The following DECR2 variants were observed in gnomAD, a reference collection of about 807,000 sequenced individuals.
The protein encoded by DECR2 is peroxisomal 2,4-dienoyl-CoA reductase [(3E)-enoyl-CoA-producing].
Under a neutral mutation model 29.2 loss-of-function variants are expected in DECR2, and 34 were observed. That is an observed-to-expected ratio of 1.16 (90% confidence interval 0.89 to 1.55). DECR2 has a LOEUF of 1.55. DECR2 is among the 40% of genes most tolerant of loss of function. DECR2 has a pLI of 0.00. For synonymous variants in DECR2, 224 were observed against 182.7 expected (o/e 1.23, Z -1.82); for missense variants, 485 against 425.3 (o/e 1.14, Z -1.23).
chr16:404,850 G>A (rs1054320603), intron 1 of DECR2, 106 bp from the exon 2 acceptor site: 35 of 1,045,214 alleles, frequency 3.3e-5, no homozygotes, highest in East Asian at 7.1e-5. Context: ...AGCTGGTCTC[G>A]ATCTCCTGAC....
Position 405,023 on chromosome 16 carries a change from C to T in DECR2, c.148C>T (p.Arg50Trp), listed in dbSNP as rs148802661. ...GTTCCGGATTGCTGAGATTTTCATGCGGTGAGACTGCTCTGTGTCCCTTCC... is the reference window on the plus strand; with the variant it reads ...GTTCCGGATTGCTGAGATTTTCATGTGGTGAGACTGCTCTGTGTCCCTTCC... ...IGFRIAEIFM[R>W]HGCHTVIASR... The change falls in exon 2 of 9, where the codon CGG becomes TGG. Residue 50 changes from arginine (R) to tryptophan (W), a missense_variant and splice_region_variant. Transcript: ENST00000219481. The T allele has an allele frequency of 6.2e-6, 10 of 1,613,928 alleles. No individual in the cohort carries two copies. The highest frequency in any genetic ancestry group is 2.7e-5 in the African/African-American group (2 of 74,922).
At chr16:411,774 T>C (rs572038451) in intron 8 of DECR2, 116 bp from the exon 9 acceptor site, 36 of 568,380 alleles carry the variant, frequency 6.3e-5, no homozygotes, top group Non-Finnish European at 9.2e-5. Flanking sequence ...CTTGCTCTTC[T>C]GTAGCGGCCT....
rs774308860 is a variant in DECR2, at chr16:410,799, C to T, written c.556+15C>T. On this transcript the variant is annotated intron_variant, in intron 6 of 8. Coordinates refer to ENST00000219481, the MANE Select transcript of DECR2 (RefSeq NM_020664.4). This position sits in a 1 kb window ranked among gnomAD's most constrained non-coding sequence, Gnocchi z 4.1. ...GGCCGCTGTGGGTATGACCACCCCC[C>T]CCCGCCCAGGTTTGCCCACGTGGGT... is the stretch of plus-strand genomic sequence containing the variant. 6.4e-7 allele frequency: 1 copy of T among 1,569,380 alleles called. No homozygotes were observed. The highest frequency in any genetic ancestry group is 8.6e-7 in the Non-Finnish European group (1 of 1,158,136).
chr16:408,031 CTGTCTCCGGGCCTCTGTCTCCGGCCCT>C (rs2141812034), intron 4 of DECR2, among the ~76,000 whole-genome samples: 1 of 44,810 alleles, frequency 2.2e-5, no homozygotes, highest in Non-Finnish European at 5.1e-5. Context: ...CTCCGGGCCC[CTGTCTCCGGGCCTCTGTCTCCGGCCCT>C]CTGTCTCCGG....
intron 2 of DECR2, 127 bp from the exon 3 acceptor site, chr16:406,219 C>T (rs1386233781): frequency 2.2e-6 from 2 of 911,364 alleles, no homozygotes; most frequent in Admixed American, 2.6e-5. Context: ...CCCCTGTGCC[C>T]TCTGCCAGCT....
Position 410,376 on chromosome 16 carries a change from C to T in DECR2, c.462+9C>T. 10 of 1,594,912 alleles carry T rather than the reference C, an allele frequency of 6.3e-6. No homozygotes were observed. The highest frequency in any genetic ancestry group is 8.5e-6 in the Non-Finnish European group (10 of 1,170,512). Reference sequence around the variant, plus strand: ...ATGAGAAGTTCTTCCGGGTGGGTGCCTCGTGCGCTCTGTGAGAAGTTCTTC... The same window carrying T: ...ATGAGAAGTTCTTCCGGGTGGGTGCTTCGTGCGCTCTGTGAGAAGTTCTTC... On this transcript the variant is annotated intron_variant, in intron 5 of 8. Coordinates refer to ENST00000219481, the MANE Select transcript of DECR2 (RefSeq NM_020664.4). This position sits in a 1 kb window ranked among gnomAD's most constrained non-coding sequence, Gnocchi z 4.1.
chr16:405,562 G>C (rs1221221324), intron 2 of DECR2: 2 of 1,304,666 alleles, frequency 1.5e-6, no homozygotes, highest in Admixed American at 2.3e-5. Flanking sequence ...GACCTGCCTA[G>C]CAGGGGTAGC....
intron 4 of DECR2, among the ~76,000 whole-genome samples, 197 bp downstream of exon 4, chr16:407,757 CCT>C (rs1182809278): frequency 6.0e-5 from 9 of 149,888 alleles, no homozygotes; most frequent in African/African-American, 9.8e-5. Flanking sequence ...TCTCCGGCCC[CCT>C]GTCTCCGGGC....
chr16:410,266 C>A lies in DECR2; in HGVS notation c.361C>A (p.Pro121Thr). 1 of 1,613,470 alleles carries A rather than the reference C, an allele frequency of 6.2e-7. No individual in the cohort carries two copies. Among genetic ancestry groups the A allele is most frequent in the Non-Finnish European group, 8.5e-7 (1 of 1,179,786 alleles). ...INCAAGNFLC[P>T]AGALSFNAFK... ...AGGTGCGGCCGGGAACTTCCTGTGC[C>A]CCGCTGGCGCCTTGTCCTTCAACGC... Residue 121 changes from proline (P) to threonine (T), a missense_variant, in exon 5 of 9, where the codon CCC (proline) becomes ACC (threonine). Coordinates refer to ENST00000219481, the MANE Select transcript of DECR2 (RefSeq NM_020664.4). The surrounding 1 kb of genome is among the most constrained non-coding windows in gnomAD (Gnocchi z 4.1).
At chr16:405,677 A>G (rs1170035278) in intron 2 of DECR2, 4 of 1,201,288 alleles carry the variant, frequency 3.3e-6, no homozygotes, top group East Asian at 1.1e-4. Context: ...TGATTTTACC[A>G]GGGAATTTGT....
intron 3 of DECR2, chr16:406,931 A>T: frequency 1.7e-5 from 18 of 1,029,960 alleles, no homozygotes; most frequent in Non-Finnish European, 2.1e-5. Flanking sequence ...ACTTGCACCT[A>T]TCCTAAATAT....
intron 3 of DECR2, 59 bp from the exon 4 acceptor site, chr16:407,366 G>A (rs1231100843): frequency 3.2e-6 from 5 of 1,542,978 alleles, no homozygotes; most frequent in Non-Finnish European, 4.3e-6. Flanking sequence ...AGATTCCAAA[G>A]GCCTTTTCTC....
At position 410,174 on chromosome 16, in the gene DECR2, C is replaced by A. The variant is rs550320003; in HGVS notation, c.338-69C>A. On this transcript the variant is annotated intron_variant, in intron 4 of 8. Coordinates refer to ENST00000219481, the MANE Select transcript of DECR2 (RefSeq NM_020664.4). The surrounding 1 kb of genome is among the most constrained non-coding windows in gnomAD (Gnocchi z 4.1). Reference sequence around the variant, plus strand: ...CCTCCTGCACCCTCCGCTCTGCCCACCTGGCCACCACCCACTTGGCATCCC... The same window carrying A: ...CCTCCTGCACCCTCCGCTCTGCCCAACTGGCCACCACCCACTTGGCATCCC... The A allele has an allele frequency of 6.4e-7, 1 of 1,570,360 alleles. No homozygotes were observed.
At chr16:407,288 GC>G in intron 3 of DECR2, 136 bp from the exon 4 acceptor site, 2 of 1,464,206 alleles carry the variant, frequency 1.4e-6, no homozygotes, top group Non-Finnish European at 1.8e-6. Context: ...TGCAGGCTGT[GC>G]TTCCCCAGAG....
Position 410,419 on chromosome 16 carries a change from C to A in DECR2, c.462+52C>A, listed in dbSNP as rs771806477. Reference sequence around the variant, plus strand: ...AGTTCTTCCGGGTGGGTGCCTCGTGCGCTCTGTGAGAAGTTCTTCCGGGTG... The same window carrying A: ...AGTTCTTCCGGGTGGGTGCCTCGTGAGCTCTGTGAGAAGTTCTTCCGGGTG... On this transcript the variant is annotated intron_variant, in intron 5 of 8. Coordinates refer to ENST00000219481, the MANE Select transcript of DECR2 (RefSeq NM_020664.4). The surrounding 1 kb of genome is among the most constrained non-coding windows in gnomAD (Gnocchi z 4.1). 1.9e-6 allele frequency: 3 copies of A among 1,584,370 alleles called. No individual in the cohort carries two copies. Among genetic ancestry groups the A allele is most frequent in the African/African-American group, 2.8e-5 (2 of 71,038 alleles).
intron 2 of DECR2, chr16:405,416 C>A: frequency 2.5e-6 from 2 of 787,454 alleles, no homozygotes; most frequent in Non-Finnish European, 3.6e-6. Flanking sequence ...GGGAAAGGGA[C>A]CCTTCCTCAG....
intron 4 of DECR2, 155 bp downstream of exon 4, chr16:407,715 A>C: frequency 1.6e-6 from 2 of 1,228,602 alleles, no homozygotes; most frequent in Admixed American, 2.6e-5. Flanking sequence ...TGAGGCCAAG[A>C]CTCAGGCTCC....
chr16:402,485 G>T (rs962289919), intron 1 of DECR2, among the ~76,000 whole-genome samples: 1 of 151,930 alleles, frequency 6.6e-6, no homozygotes, highest in African/African-American at 2.4e-5. Flanking sequence ...TCATTTTTCC[G>T]GAAGACCCAG....
intron 8 of DECR2, 40 bp downstream of exon 8, chr16:411,618 T>A (rs1205011452): frequency 1.3e-6 from 2 of 1,575,558 alleles, no homozygotes; most frequent in African/African-American, 2.7e-5. Context: ...ATCTGTGTCC[T>A]TGGACGCTGG....
Sources: allele counts gnomAD v4.1 joint callset (sites outside exome capture counted in the v4.1 genomes callset), GRCh38; gene constraint gnomAD v4.1.1; non-coding constraint Gnocchi (gnomAD v3.1); transcripts MANE v1.5; gene names NCBI Gene and HGNC (gene_info 2026-07-23, HGNC 2026-07-21).